Variants in CADM2 observed in about 807,000 individuals in gnomAD.
The protein encoded by CADM2 is cell adhesion molecule 2, also known as immunoglobulin superfamily member 4D.
Under a neutral mutation model 49.8 loss-of-function variants are expected in CADM2, and 12 were observed. The observed-to-expected ratio is 0.24, with a 90% CI of 0.15 to 0.39. The LOEUF is 0.39. Among genes scored for constraint, CADM2 ranks in the 10% least tolerant of loss-of-function variants. The probability of loss-of-function intolerance (pLI) is 1.00; values close to 1 mark genes in which losing one functional copy is unlikely to be tolerated. For missense variants in CADM2, 378 were observed against 492.3 expected (o/e 0.77, Z 2.20); for synonymous variants, 214 against 175.4 (o/e 1.22, Z -1.74).
chr3:85,640,858 G>C (rs1400176677), intron 1 of CADM2, among the ~76,000 whole-genome samples: 1 of 96,118 alleles, frequency 1.0e-5, no homozygotes, highest in African/African-American at 3.0e-5. Context: ...ATGACATTAG[G>C]TTATATTCTG....
At chr3:85,532,928 C>T (rs62252507) in intron 1 of CADM2, among the ~76,000 whole-genome samples, 77,920 of 152,002 alleles carry the variant, frequency 0.51, 23,053 homozygotes, top group East Asian at 0.85. Flanking sequence ...ACCACATGTT[C>T]TCACTTGTAA....
At chr3:85,064,465 G>A (rs1043333622) in intron 1 of CADM2, among the ~76,000 whole-genome samples, 1 of 151,954 alleles carries the variant, frequency 6.6e-6, no homozygotes, top group African/African-American at 2.4e-5. Flanking sequence ...GAGGATAAGT[G>A]GAATCTTGTG....
intron 8 of CADM2, among the ~76,000 whole-genome samples, chr3:86,025,202 C>A (rs1332318570): frequency 6.6e-6 from 1 of 151,894 alleles, no homozygotes; most frequent in African/African-American, 2.4e-5. Context: ...ACTACAGGCG[C>A]CCGCCACCAC....
At chr3:85,774,635 A>G (rs1253626772) in intron 2 of CADM2, among the ~76,000 whole-genome samples, 2 of 151,564 alleles carry the variant, frequency 1.3e-5, no homozygotes, top group African/African-American at 4.8e-5. Flanking sequence ...TCCTAAGAAT[A>G]GCTCTGGAAT....
At chr3:85,305,033 T>G (rs943270088) in intron 1 of CADM2, among the ~76,000 whole-genome samples, 1 of 151,666 alleles carries the variant, frequency 6.6e-6, no homozygotes, top group Non-Finnish European at 1.5e-5. Flanking sequence ...TACAGAACAT[T>G]TTTACATCCA....
chr3:86,032,829 T>C lies in CADM2; in HGVS notation c.971-32776T>C, dbSNP rs367705190. Among the ~76,000 whole-genome samples, 11 of 152,026 alleles carry C rather than the reference T, an allele frequency of 7.2e-5. 1 individual carries two copies. Among genetic ancestry groups the C allele is most frequent in the Admixed American group, 5.9e-4 (9 of 15,224 alleles). Reference sequence around the variant, plus strand: ...ATAGTTACCTAAATTTTGTATGAAATAGATAATTTTTTTCAAAATTCCTTT... The same window carrying C: ...ATAGTTACCTAAATTTTGTATGAAACAGATAATTTTTTTCAAAATTCCTTT... On this transcript the variant is annotated intron_variant, in intron 8 of 9. Transcript: ENST00000383699.
chr3:85,623,192 A>G (rs1287297462), intron 1 of CADM2, among the ~76,000 whole-genome samples: 1 of 152,162 alleles, frequency 6.6e-6, no homozygotes, highest in East Asian at 1.9e-4. Context: ...TTCAGTGCAC[A>G]CGTTAGCTAC....
chr3:85,085,318 A>G (rs1203347325), intron 1 of CADM2, among the ~76,000 whole-genome samples: 1 of 152,064 alleles, frequency 6.6e-6, no homozygotes, highest in East Asian at 1.9e-4. Flanking sequence ...AGTATTTGTC[A>G]TTCAGTGCCA....
chr3:85,773,626 A>G (rs2070211472), intron 2 of CADM2, among the ~76,000 whole-genome samples: 1 of 151,994 alleles, frequency 6.6e-6, no homozygotes, highest in African/African-American at 2.4e-5. Flanking sequence ...ATACAATGGT[A>G]TTGCTTTCAG....
intron 1 of CADM2, among the ~76,000 whole-genome samples, chr3:85,151,064 G>A (rs546624976): frequency 6.6e-6 from 1 of 152,174 alleles, no homozygotes; most frequent in South Asian, 2.1e-4. Flanking sequence ...TGTGAGCAGA[G>A]CAATGGTAGA....
intron 3 of CADM2, among the ~76,000 whole-genome samples, chr3:85,858,574 C>T (rs2075400337): frequency 6.6e-6 from 1 of 152,212 alleles, no homozygotes; most frequent in South Asian, 2.1e-4. Flanking sequence ...TTGTATACTG[C>T]CCGGAGGAAG....
intron 3 of CADM2, among the ~76,000 whole-genome samples, chr3:85,814,836 A>C (rs1188251568): frequency 6.6e-6 from 1 of 151,988 alleles, no homozygotes; most frequent in East Asian, 1.9e-4. Flanking sequence ...AATATACTAT[A>C]AAATACTTCT....
At chr3:86,016,517 T>G (rs2106963110) in intron 8 of CADM2, among the ~76,000 whole-genome samples, 1 of 152,322 alleles carries the variant, frequency 6.6e-6, no homozygotes, top group South Asian at 2.1e-4. Context: ...GATAGTAATG[T>G]GCTACCAGTT....
chr3:85,216,810 A>G (rs1449020789), intron 1 of CADM2, among the ~76,000 whole-genome samples: 2 of 152,106 alleles, frequency 1.3e-5, no homozygotes, highest in Non-Finnish European at 2.9e-5. Flanking sequence ...CCAATTTTTA[A>G]TGGGTGGCCA....
At chr3:85,321,926 T>C (rs2044622675) in intron 1 of CADM2, among the ~76,000 whole-genome samples, 1 of 152,216 alleles carries the variant, frequency 6.6e-6, no homozygotes, top group African/African-American at 2.4e-5. Flanking sequence ...AATGCATGCA[T>C]CCTAAATAGT....
chr3:85,923,037 A>G (rs1029310978), intron 6 of CADM2, among the ~76,000 whole-genome samples: 4 of 151,828 alleles, frequency 2.6e-5, no homozygotes, highest in Admixed American at 1.3e-4. Context: ...GTTAGCGAGG[A>G]TGGTCTTGAT....
intron 1 of CADM2, among the ~76,000 whole-genome samples, chr3:85,338,588 G>C (rs923081173): frequency 3.3e-5 from 5 of 151,542 alleles, no homozygotes; most frequent in Non-Finnish European, 5.9e-5. Flanking sequence ...CTGTGAGGTA[G>C]GGAGTATTTT....
chr3:85,867,384 A>G (rs1008933204), intron 3 of CADM2, among the ~76,000 whole-genome samples: 20 of 151,964 alleles, frequency 1.3e-4, no homozygotes, highest in African/African-American at 4.8e-4. Context: ...TTTTCTTCCT[A>G]ATCCTCATAA....
chr3:86,044,272 GCAAC>G (rs1736348129), intron 8 of CADM2, among the ~76,000 whole-genome samples: 1 of 152,094 alleles, frequency 6.6e-6, no homozygotes, highest in Non-Finnish European at 1.5e-5. Context: ...GAGTGAACAG[GCAAC>G]CCACAGAAAG....
Sources: gnomAD v4.1 joint callset for allele counts (sites outside exome capture counted in the v4.1 genomes callset) on GRCh38, gnomAD v4.1.1 for gene constraint, MANE v1.5 for transcripts, NCBI Gene and HGNC (gene_info 2026-07-23, HGNC 2026-07-21) for gene names.